SGCG: variants seen among roughly 807,000 people sequenced by gnomAD.
SGCG encodes the protein gamma-sarcoglycan.
Under a neutral mutation model 29.3 loss-of-function variants are expected in SGCG, and 26 were observed. That is an observed-to-expected ratio of 0.89 (90% CI 0.65 to 1.23). SGCG has a LOEUF of 1.23. SGCG is among the 50% of genes most tolerant of loss of function. The pLI, the probability that SGCG is intolerant of heterozygous loss-of-function variation, is 0.00. For synonymous variants in SGCG, 145 were observed against 129.7 expected (o/e 1.12, Z -0.80); for missense variants, 353 against 356.0 (o/e 0.99, Z 0.07).
chr13:23,292,857 A>T (rs1881768452), intron 5 of SGCG, among the ~76,000 whole-genome samples: 1 of 152,248 alleles, frequency 6.6e-6, no homozygotes, highest in Non-Finnish European at 1.5e-5. Flanking sequence ...ACTTATATAA[A>T]ATTAAGCATA....
At position 23,320,617 on chromosome 13, in the gene SGCG, G is replaced by GGTTTTTTT; in HGVS notation, c.579-20_579-19insGTTTTTTT. On this transcript the variant is annotated intron_variant, in intron 6 of 7. Transcript: ENST00000218867. ...TAATACTTTTTTTTTTTTTTTTTGT[G>GGTTTTTTT]CTTCTTTTCCTCATCTCAGATTAGA... 1.1e-6 allele frequency: 1 copy of GGTTTTTTT among 912,350 alleles called. No homozygotes were observed. The highest frequency in any genetic ancestry group is 1.5e-6 in the Non-Finnish European group (1 of 671,286). The allele number at this position is 912,350 out of a possible 1,614,324, so 56.5% of individuals were successfully genotyped here. A position where few individuals can be genotyped will look rare whatever the true frequency, so the allele number is the denominator to read the frequency against.
chr13:23,190,051 TA>T (rs1257330228), intron 1 of SGCG, among the ~76,000 whole-genome samples: 2 of 146,272 alleles, frequency 1.4e-5, no homozygotes, highest in Admixed American at 1.4e-4. Context: ...TTTAAAAGAA[TA>T]AAAATATAAA....
intron 3 of SGCG, among the ~76,000 whole-genome samples, chr13:23,248,641 C>T (rs1240165893): frequency 7.0e-6 from 1 of 142,710 alleles, no homozygotes; most frequent in Non-Finnish European, 1.6e-5. Context: ...TTCCGGCGAG[C>T]CCAGATGGCG....
intron 6 of SGCG, among the ~76,000 whole-genome samples, chr13:23,317,143 C>T (rs531398343): frequency 1.3e-5 from 2 of 151,630 alleles, no homozygotes; most frequent in South Asian, 4.2e-4. Flanking sequence ...TGTAGTGAGC[C>T]GAGACCACAC....
chr13:23,229,563 G>A (rs1028259557), intron 2 of SGCG, among the ~76,000 whole-genome samples: 1 of 150,430 alleles, frequency 6.6e-6, no homozygotes, highest in Non-Finnish European at 1.5e-5. Flanking sequence ...ATTTTTTCAT[G>A]TGCTTTTTGA....
chr13:23,308,180 G>A (rs1358685290), intron 6 of SGCG, among the ~76,000 whole-genome samples: 1 of 152,202 alleles, frequency 6.6e-6, no homozygotes, highest in African/African-American at 2.4e-5. Context: ...AGGAACTTGG[G>A]TGTTTTAGAA....
At chr13:23,242,791 G>T (rs954124918) in intron 3 of SGCG, among the ~76,000 whole-genome samples, 1 of 151,870 alleles carries the variant, frequency 6.6e-6, no homozygotes, top group African/African-American at 2.4e-5. Context: ...TGGTTGAAAT[G>T]GTAAATTTTG....
At chr13:23,211,644 C>T (rs1477001693) in intron 2 of SGCG, among the ~76,000 whole-genome samples, 1 of 152,140 alleles carries the variant, frequency 6.6e-6, no homozygotes, top group Non-Finnish European at 1.5e-5. Flanking sequence ...TGAGTGGATC[C>T]ATTCCTATTG....
chr13:23,320,056 G>GAA (rs1256987362), intron 6 of SGCG, among the ~76,000 whole-genome samples: 1 of 152,122 alleles, frequency 6.6e-6, no homozygotes, highest in Non-Finnish European at 1.5e-5. Context: ...TAATAATAAA[G>GAA]AAAAGACCAA....
At chr13:23,250,248 T>A (rs1879908961) in intron 3 of SGCG, among the ~76,000 whole-genome samples, 2 of 152,156 alleles carry the variant, frequency 1.3e-5, no homozygotes, top group African/African-American at 4.8e-5. Flanking sequence ...AATATGGAAA[T>A]AGAGAGTAGC....
At chr13:23,219,189 A>G (rs1344124819) in intron 2 of SGCG, among the ~76,000 whole-genome samples, 1 of 151,720 alleles carries the variant, frequency 6.6e-6, no homozygotes, top group Non-Finnish European at 1.5e-5. Flanking sequence ...CTGGGACTAC[A>G]GGTGCCTGCC....
At chr13:23,172,025 G>A in the SGCG span, among the ~76,000 whole-genome samples, 5 of 152,168 alleles carry the variant, frequency 3.3e-5, no homozygotes, top group South Asian at 1.0e-3. Flanking sequence ...CCTGTAGTGG[G>A]AAGATTGCCT....
intron 2 of SGCG, among the ~76,000 whole-genome samples, chr13:23,221,301 G>C (rs1878645964): frequency 6.6e-6 from 1 of 152,118 alleles, no homozygotes; most frequent in Non-Finnish European, 1.5e-5. Flanking sequence ...TTGTTGGTGT[G>C]AAGTTATGAA....
chr13:23,295,491 A>T lies in SGCG; in HGVS notation c.578+4A>T, dbSNP rs1313604857. ...CCGACCCGTTTCAAGACCTTAGGTA[A>T]GAATTTTTGTTCAAATATTAACAAC... On this transcript the variant is annotated splice_donor_region_variant and intron_variant, in intron 6 of 7. Coordinates refer to ENST00000218867, the MANE Select transcript of SGCG (RefSeq NM_000231.3). 1.9e-6 allele frequency: 3 copies of T among 1,609,534 alleles called. No individual in the cohort carries two copies. The highest frequency in any genetic ancestry group is 2.6e-6 in the Non-Finnish European group (3 of 1,175,820).
intron 3 of SGCG, among the ~76,000 whole-genome samples, chr13:23,237,619 G>C (rs1025866589): frequency 6.6e-6 from 1 of 152,222 alleles, no homozygotes; most frequent in Non-Finnish European, 1.5e-5. Context: ...AAAGATGCCA[G>C]TCCAGAACCT....
upstream of SGCG, among the ~76,000 whole-genome samples, chr13:23,179,544 A>G (rs1055220514): frequency 7.9e-5 from 12 of 152,222 alleles, no homozygotes; most frequent in African/African-American, 2.4e-4. Flanking sequence ...CACTCATACA[A>G]AAATACATTT....
chr13:23,284,102 G>A (rs965095868), intron 5 of SGCG, among the ~76,000 whole-genome samples: 1 of 152,118 alleles, frequency 6.6e-6, no homozygotes, highest in Non-Finnish European at 1.5e-5. Flanking sequence ...CTCTTCTTGA[G>A]GAGTACCTTT....
intron 4 of SGCG, among the ~76,000 whole-genome samples, chr13:23,260,487 G>A (rs537884099): frequency 2.6e-5 from 4 of 152,274 alleles, no homozygotes; most frequent in Non-Finnish European, 5.9e-5. Flanking sequence ...GATGGGTCTT[G>A]ACTCTTTATC....
chr13:23,300,842 G>A (rs998183410), intron 6 of SGCG, among the ~76,000 whole-genome samples: 12 of 149,608 alleles, frequency 8.0e-5, no homozygotes, highest in Admixed American at 5.3e-4. Context: ...AGGGCCGGGC[G>A]CGGTGGCTCA....
Sources: allele counts gnomAD v4.1 joint callset (sites outside exome capture counted in the v4.1 genomes callset), GRCh38; gene constraint gnomAD v4.1.1; transcripts MANE v1.5; gene names NCBI Gene and HGNC (gene_info 2026-07-23, HGNC 2026-07-21).